INPP4B: variants seen among roughly 807,000 people sequenced by gnomAD.
The protein encoded by INPP4B is inositol polyphosphate-4-phosphatase type II B, also known as inositol polyphosphate 4-phosphatase type II.
In INPP4B, 55 loss-of-function variants were observed where a neutral mutation model predicts 122.5. The ratio of observed to expected loss-of-function variants is 0.45; its 90% CI spans 0.36 to 0.56. The LOEUF is 0.56. Ranked by LOEUF, INPP4B falls within the 20% of genes least tolerant of loss-of-function variation. INPP4B has a pLI of 0.00. For synonymous variants in INPP4B, 403 were observed against 388.7 expected (o/e 1.04, Z -0.43); for missense variants, 1,000 against 1,097.7 (o/e 0.91, Z 1.26).
intron 7 of INPP4B, among the ~76,000 whole-genome samples, chr4:142,350,030 A>G (rs1366604186): frequency 1.3e-5 from 2 of 152,008 alleles, no homozygotes; most frequent in East Asian, 3.9e-4. Context: ...TTTAGGACAC[A>G]GACTATTATC....
At chr4:142,744,866 T>C (rs2150929599) in intron 1 of INPP4B, among the ~76,000 whole-genome samples, 1 of 151,992 alleles carries the variant, frequency 6.6e-6, no homozygotes, top group South Asian at 2.1e-4. Context: ...TATTCCTCCT[T>C]ATTATTTCTT....
chr4:142,450,699 C>T (rs1485944944), intron 3 of INPP4B, among the ~76,000 whole-genome samples: 4 of 152,164 alleles, frequency 2.6e-5, no homozygotes, highest in African/African-American at 7.2e-5. Flanking sequence ...TCAGTAACTT[C>T]AGCTTTCCAG....
intron 9 of INPP4B, among the ~76,000 whole-genome samples, chr4:142,285,686 A>G (rs771853280): frequency 1.3e-3 from 196 of 152,162 alleles, no homozygotes; most frequent in Admixed American, 3.6e-3. Context: ...CACGTATCAG[A>G]GTAAAGTTGG....
intron 2 of INPP4B, among the ~76,000 whole-genome samples, chr4:142,534,261 G>A (rs1241146314): frequency 1.3e-5 from 2 of 152,120 alleles, no homozygotes; most frequent in Non-Finnish European, 2.9e-5. Flanking sequence ...CTATGGTGGT[G>A]TTATGGTTTG....
At chr4:142,323,670 C>A (rs1364803032) in intron 7 of INPP4B, among the ~76,000 whole-genome samples, 2 of 151,766 alleles carry the variant, frequency 1.3e-5, no homozygotes, top group Non-Finnish European at 2.9e-5. Flanking sequence ...TGGTCTCAAT[C>A]TCCTGACCTT....
At position 142,629,979 on chromosome 4, in the gene INPP4B, T is replaced by C. The variant is rs145115591; in HGVS notation, c.-191+95860A>G. ...ATGATCCAAAGACAGGCATAGGGCC[T>C]ACACTAAACATTGTCTAGACATTTG... On this transcript the variant is annotated intron_variant, in intron 2 of 25. Transcript: ENST00000262992. Among the ~76,000 whole-genome samples, 404 of 152,240 alleles carry C rather than the reference T, an allele frequency of 2.7e-3. 6 individuals carry two copies. Among genetic ancestry groups the C allele is most frequent in the East Asian group, 0.018 (95 of 5,172 alleles).
intron 2 of INPP4B, among the ~76,000 whole-genome samples, chr4:142,684,181 G>C (rs1419263024): frequency 6.6e-6 from 1 of 151,986 alleles, no homozygotes; most frequent in Non-Finnish European, 1.5e-5. Context: ...TTTGCAAGTG[G>C]GAGAGTTGCT....
At chr4:142,810,118 C>T (rs1038646625) in intron 1 of INPP4B, among the ~76,000 whole-genome samples, 6 of 146,030 alleles carry the variant, frequency 4.1e-5, no homozygotes, top group Non-Finnish European at 7.4e-5. Flanking sequence ...TGCAGTGAGC[C>T]GAGATCGCGC....
chr4:142,346,776 C>A (rs903188047), intron 7 of INPP4B, among the ~76,000 whole-genome samples: 1 of 151,978 alleles, frequency 6.6e-6, no homozygotes, highest in African/African-American at 2.4e-5. Context: ...AAATCAGAAT[C>A]TTTCAACATT....
intron 7 of INPP4B, among the ~76,000 whole-genome samples, chr4:142,327,264 T>C (rs1181314471): frequency 6.6e-6 from 1 of 152,098 alleles, no homozygotes; most frequent in East Asian, 1.9e-4. Context: ...GTCCCAACAA[T>C]ATAAGGCTAA....
chr4:142,735,773 T>G (rs1457172919), intron 1 of INPP4B, among the ~76,000 whole-genome samples: 1 of 152,184 alleles, frequency 6.6e-6, no homozygotes, highest in Non-Finnish European at 1.5e-5. Context: ...TAAATGTATG[T>G]CCCCCACAAA....
intron 1 of INPP4B, among the ~76,000 whole-genome samples, chr4:142,755,736 C>T (rs1331609457): frequency 1.3e-5 from 2 of 151,852 alleles, no homozygotes; most frequent in East Asian, 3.9e-4. Flanking sequence ...GTTAACTTTG[C>T]CCTATAAAAT....
intron 7 of INPP4B, among the ~76,000 whole-genome samples, chr4:142,328,073 C>T (rs1056394336): frequency 3.3e-5 from 5 of 152,158 alleles, no homozygotes; most frequent in South Asian, 2.1e-4. Context: ...ACTAGAACCA[C>T]GCTTTTCTCT....
intron 14 of INPP4B, among the ~76,000 whole-genome samples, chr4:142,196,806 C>T (rs1378098447): frequency 1.3e-5 from 2 of 151,984 alleles, no homozygotes; most frequent in Non-Finnish European, 2.9e-5. Flanking sequence ...TGACCTGGGT[C>T]CAATTCTTCC....
chr4:142,656,364 T>C (rs1754143150), intron 2 of INPP4B, among the ~76,000 whole-genome samples: 1 of 152,202 alleles, frequency 6.6e-6, no homozygotes, highest in Admixed American at 6.5e-5. Context: ...AACATGGGGC[T>C]CGAGAAGTGG....
intron 2 of INPP4B, among the ~76,000 whole-genome samples, chr4:142,615,628 A>T (rs747134739): frequency 4.6e-5 from 7 of 151,928 alleles, no homozygotes; most frequent in Non-Finnish European, 1.0e-4. Flanking sequence ...ATTTTTATTA[A>T]TTTTTTATTA....
intron 2 of INPP4B, among the ~76,000 whole-genome samples, chr4:142,719,473 C>T (rs1347268355): frequency 2.0e-5 from 3 of 151,562 alleles, no homozygotes; most frequent in East Asian, 3.9e-4. Flanking sequence ...TACAGGTGCC[C>T]GTCACATGCC....
chr4:142,639,653 G>A (rs146540924), intron 2 of INPP4B, among the ~76,000 whole-genome samples: 30 of 152,110 alleles, frequency 2.0e-4, no homozygotes, highest in Admixed American at 1.2e-3. Context: ...ACAGGCAGGC[G>A]GCTTTGCAGA....
chr4:142,627,618 G>A (rs1205107655), intron 2 of INPP4B, among the ~76,000 whole-genome samples: 1 of 144,346 alleles, frequency 6.9e-6, no homozygotes, highest in East Asian at 2.0e-4. Flanking sequence ...TGATCATGGT[G>A]GATAAGCTTT....
Sources: allele counts gnomAD v4.1 joint callset (sites outside exome capture counted in the v4.1 genomes callset), GRCh38; gene constraint gnomAD v4.1.1; transcripts MANE v1.5; gene names NCBI Gene and HGNC (gene_info 2026-07-23, HGNC 2026-07-21).